ATP8A1: variants seen among roughly 807,000 people sequenced by gnomAD.
The protein encoded by ATP8A1 is ATPase phospholipid transporting 8A1, also known as phospholipid-transporting ATPase IA.
A neutral mutation model predicts 177.7 loss-of-function variants in ATP8A1; 90 were observed. The observed-to-expected ratio is 0.51, with a 90% CI of 0.43 to 0.60. ATP8A1 has a LOEUF of 0.60. Among genes scored for constraint, ATP8A1 ranks in the 20% least tolerant of loss-of-function variants. ATP8A1 has a pLI of 0.00. For missense variants in ATP8A1, 1,072 were observed against 1,392.8 expected (o/e 0.77, Z 3.67); for synonymous variants, 493 against 485.9 (o/e 1.01, Z -0.19).
intron 1 of ATP8A1, among the ~76,000 whole-genome samples, chr4:42,654,843 G>GC (rs1229955537): frequency 6.6e-6 from 1 of 152,192 alleles, no homozygotes; most frequent in African/African-American, 2.4e-5. Context: ...GGCCCTCTAG[G>GC]CAGCAGGGCC....
chr4:42,577,962 C>T (rs561304957), intron 12 of ATP8A1, among the ~76,000 whole-genome samples: 1 of 152,162 alleles, frequency 6.6e-6, no homozygotes, highest in South Asian at 2.1e-4. Flanking sequence ...AGTTGATACA[C>T]CTAGTAAATT....
chr4:42,483,559 G>A (rs1166291173), intron 25 of ATP8A1, among the ~76,000 whole-genome samples: 2 of 152,072 alleles, frequency 1.3e-5, no homozygotes, highest in African/African-American at 4.8e-5. Context: ...CTAGGGACCT[G>A]GTGCCTGGAG....
intron 24 of ATP8A1, among the ~76,000 whole-genome samples, chr4:42,500,689 G>A (rs546444529): frequency 5.2e-4 from 79 of 152,262 alleles, no homozygotes; most frequent in African/African-American, 1.6e-3. Context: ...CATTCTAGCC[G>A]GGGCTGCTGC....
chr4:42,595,437 T>A (rs1025651822), intron 6 of ATP8A1, among the ~76,000 whole-genome samples: 1 of 152,126 alleles, frequency 6.6e-6, no homozygotes, highest in African/African-American at 2.4e-5. Flanking sequence ...TCTGGGTCCC[T>A]TGATTCAAAA....
intron 25 of ATP8A1, among the ~76,000 whole-genome samples, chr4:42,474,608 T>C (rs866101164): frequency 6.6e-6 from 1 of 152,286 alleles, no homozygotes; most frequent in South Asian, 2.1e-4. Flanking sequence ...GCCAGTAATA[T>C]GGCTGTGCTG....
intron 16 of ATP8A1, among the ~76,000 whole-genome samples, chr4:42,555,120 TCTATCTATCTATCTATCTA>T (rs1247687443): frequency 6.1e-5 from 6 of 98,066 alleles, no homozygotes; most frequent in Non-Finnish European, 6.1e-5. Context: ...TATCTATCTA[TCTATCTATCTATCTATCTA>T]ATCTATCTAT....
chr4:42,553,728 A>G (rs1474902509), intron 16 of ATP8A1, among the ~76,000 whole-genome samples: 1 of 152,212 alleles, frequency 6.6e-6, no homozygotes, highest in East Asian at 1.9e-4. Context: ...GGTCCCTGCC[A>G]TGTGAAGCTT....
intron 23 of ATP8A1, 101 bp from the exon 24 acceptor site, chr4:42,503,615 TATA>T: frequency 1.3e-6 from 1 of 760,702 alleles, no homozygotes; most frequent in East Asian, 3.0e-5. Flanking sequence ...AAGATGATTT[TATA>T]ATGACTGAGG....
Position 42,423,242 on chromosome 4 carries a change from A to G in ATP8A1, c.3213-343T>C, listed in dbSNP as rs41265685. Among the ~76,000 whole-genome samples, 313 of 152,092 alleles carry G rather than the reference A, an allele frequency of 2.1e-3. 4 individuals are homozygous for G. Among genetic ancestry groups the G allele is most frequent in the Non-Finnish European group, 9.7e-4 (66 of 67,980 alleles). On this transcript the variant is annotated intron_variant, in intron 34 of 36. Coordinates refer to ENST00000381668, the MANE Select transcript of ATP8A1 (RefSeq NM_006095.2). The stretch of plus-strand genomic sequence containing the variant: ...GTAAGGTTTTCTTTTCTTTCATTTT[A>G]TATTTTATATATGTTTGGAATCAGG...
At chr4:42,608,961 AG>A (rs1319394924) in intron 5 of ATP8A1, among the ~76,000 whole-genome samples, 3 of 152,218 alleles carry the variant, frequency 2.0e-5, no homozygotes, top group Non-Finnish European at 4.4e-5. Flanking sequence ...GACATGGCAC[AG>A]GAAGAGTCTC....
intron 6 of ATP8A1, among the ~76,000 whole-genome samples, chr4:42,595,668 T>A (rs1170601609): frequency 6.6e-6 from 1 of 152,228 alleles, no homozygotes; most frequent in East Asian, 1.9e-4. Flanking sequence ...ATCATGGCAC[T>A]TAGAATGCAT....
chr4:42,469,332 G>T (rs1488665357), intron 25 of ATP8A1, among the ~76,000 whole-genome samples: 1 of 152,154 alleles, frequency 6.6e-6, no homozygotes. Context: ...ATTCATGGAA[G>T]CCGAAGAGCA....
chr4:42,555,791 TC>T (rs1348868090), intron 16 of ATP8A1, among the ~76,000 whole-genome samples, 176 bp downstream of exon 16: 2 of 152,010 alleles, frequency 1.3e-5, no homozygotes, highest in Admixed American at 6.5e-5. Flanking sequence ...GCCATTGCAC[TC>T]CAGCCCCAGC....
chr4:42,451,850 G>GT, intron 30 of ATP8A1, 131 bp downstream of exon 30: 1 of 549,516 alleles, frequency 1.8e-6, no homozygotes, highest in Non-Finnish European at 3.1e-6. Context: ...CAATTTTTGG[G>GT]TGCATGCATT....
chr4:42,597,116 G>C (rs1457256302), intron 6 of ATP8A1, among the ~76,000 whole-genome samples: 2 of 152,136 alleles, frequency 1.3e-5, no homozygotes, highest in African/African-American at 4.8e-5. Flanking sequence ...ATGCATGCTA[G>C]GCAAATTTGT....
At chr4:42,614,158 G>A (rs1400730506) in intron 5 of ATP8A1, among the ~76,000 whole-genome samples, 1 of 152,130 alleles carries the variant, frequency 6.6e-6, no homozygotes, top group African/African-American at 2.4e-5. Flanking sequence ...TATCTGAATG[G>A]TAGGCAAGGA....
At chr4:42,483,360 AAAGATATGTGACTTAAG>A in intron 25 of ATP8A1, among the ~76,000 whole-genome samples, 1 of 147,818 alleles carries the variant, frequency 6.8e-6, no homozygotes, top group Non-Finnish European at 1.5e-5. Flanking sequence ...AAAGCTGAGG[AAAGATATGTGACTTAAG>A]AAAAAAAAAA....
chr4:42,526,555 C>A (rs1161804772), intron 20 of ATP8A1, among the ~76,000 whole-genome samples: 1 of 152,114 alleles, frequency 6.6e-6, no homozygotes, highest in Non-Finnish European at 1.5e-5. Flanking sequence ...CTGGCCTAGC[C>A]TCTCCCGTGC....
At chr4:42,647,685 G>A (rs1740677736) in intron 1 of ATP8A1, among the ~76,000 whole-genome samples, 2 of 151,762 alleles carry the variant, frequency 1.3e-5, no homozygotes, top group Admixed American at 6.6e-5. Flanking sequence ...TTTTAGTGCT[G>A]ATCTGAGATA....
Sources: gnomAD v4.1 joint callset for allele counts (sites outside exome capture counted in the v4.1 genomes callset) on GRCh38, gnomAD v4.1.1 for gene constraint, MANE v1.5 for transcripts, NCBI Gene and HGNC (gene_info 2026-07-23, HGNC 2026-07-21) for gene names.